MTMR14: variants seen among roughly 807,000 people sequenced by gnomAD.
MTMR14 encodes myotubularin related protein 14.
Under a neutral mutation model 86.3 loss-of-function variants are expected in MTMR14, and 48 were observed. The ratio of observed to expected loss-of-function variants is 0.56; its 90% CI spans 0.44 to 0.71. The LOEUF is 0.71. Ranked by LOEUF, MTMR14 falls within the 30% of genes least tolerant of loss-of-function variation. MTMR14 has a pLI of 0.00. For synonymous variants in MTMR14, 366 were observed against 326.1 expected (o/e 1.12, Z -1.32); for missense variants, 780 against 834.6 (o/e 0.93, Z 0.81).
intron 15 of MTMR14, 28 bp downstream of exon 15, chr3:9,688,782 C>T (rs1367844363): frequency 1.9e-6 from 3 of 1,613,592 alleles, no homozygotes; most frequent in Admixed American, 3.3e-5. Flanking sequence ...ACAGACTTCC[C>T]TTCCTCCATA....
chr3:9,697,691 C>A lies in MTMR14; in HGVS notation c.1614-20C>A, dbSNP rs769017461. On this transcript the variant is annotated intron_variant, in intron 17 of 18. Transcript: ENST00000296003. ...TATGACTGACTGCATCCTCTCCCCT[C>A]TCTCTCCTCTCTGCCCCAGATCAGT... The A allele has an allele frequency of 1.9e-6, 3 of 1,612,132 alleles. No individual in the cohort carries two copies. The highest frequency in any genetic ancestry group is 2.5e-6 in the Non-Finnish European group (3 of 1,178,812).
intron 3 of MTMR14, 26 bp downstream of exon 3, chr3:9,662,401 C>T (rs1454595354): frequency 1.3e-6 from 2 of 1,572,700 alleles, no homozygotes; most frequent in Non-Finnish European, 8.8e-7. Context: ...TAGCTTCATG[C>T]TCCACGACTC....
Position 9,684,931 on chromosome 3 carries a change from A to G in MTMR14, c.1094A>G (p.Tyr365Cys), listed in dbSNP as rs550970092. Residue 365 changes from tyrosine to cysteine, a missense_variant, in exon 12 of 19, where the codon TAC becomes TGC. Physicochemically the swap from Tyr to Cys is radical, Grantham distance 194 (BLOSUM62 -2). Transcript: ENST00000296003. ...HTSLKPTEIL[Y>C]LTVAYDWFLF... ...TCCCTGAAGCCCACTGAGATCCTCT[A>G]CCTCACTGTGGCCTATGACTGGTTC... The G allele has an allele frequency of 7.4e-6, 12 of 1,614,014 alleles. No homozygotes were observed. In the African/African-American group the frequency reaches 1.2e-4, roughly 16 times the overall value.
At chr3:9,652,076 C>T (rs981531544) in intron 1 of MTMR14, among the ~76,000 whole-genome samples, 2 of 152,090 alleles carry the variant, frequency 1.3e-5, no homozygotes, top group African/African-American at 4.8e-5. Context: ...GTGATCTGCC[C>T]GCCTTGGCCT....
intron 9 of MTMR14, among the ~76,000 whole-genome samples, chr3:9,681,291 A>G (rs2075759812): frequency 6.6e-6 from 1 of 152,116 alleles, no homozygotes; most frequent in Non-Finnish European, 1.5e-5. Flanking sequence ...TCTGTGTCCT[A>G]AGACCCCTCC....
chr3:9,688,246 G>C (rs747881222), intron 14 of MTMR14, among the ~76,000 whole-genome samples: 4 of 152,234 alleles, frequency 2.6e-5, no homozygotes, highest in Non-Finnish European at 5.9e-5. Context: ...GCTGACTCTT[G>C]TCCTCCATGG....
In MTMR14 at chr3:9,680,705, C is replaced by T. The variant is rs181635146; in HGVS notation, c.898-2473C>T. Reference sequence around the variant, plus strand: ...CTAAAAAATTAGCCGGGCGTGGTGGCGGGCGCCTGTAGTGCCAGCTACTCG... The same window carrying T: ...CTAAAAAATTAGCCGGGCGTGGTGGTGGGCGCCTGTAGTGCCAGCTACTCG... On this transcript the variant is annotated intron_variant, in intron 9 of 18. Transcript: ENST00000296003. Among the ~76,000 whole-genome samples, 435 of 152,270 alleles carry T rather than the reference C, an allele frequency of 2.9e-3. 13 individuals are homozygous for T. Among genetic ancestry groups the T allele is most frequent in the Admixed American group, 0.026 (394 of 15,292 alleles).
Position 9,671,166 on chromosome 3 carries a change from A to G in MTMR14, c.673A>G (p.Met225Val). The change falls in exon 6 of 19, where the codon ATG (methionine) becomes GTG (valine). Residue 225 changes from methionine to valine, a missense_variant. Physicochemically the swap from Met to Val is conservative, Grantham distance 21. Transcript: ENST00000296003. ...MVENKKVKFG[M>V]NVTSSEKVDK... Reference sequence around the variant, plus strand: ...GGAGAACAAGAAGGTGAAGTTTGGCATGAAGTAAGTACAGGCGCCCACTAC... The same window carrying G: ...GGAGAACAAGAAGGTGAAGTTTGGCGTGAAGTAAGTACAGGCGCCCACTAC... The G allele has an allele frequency of 6.2e-7, 1 of 1,614,240 alleles. No homozygotes were observed.
At chr3:9,655,674 GCTGGTCTCGAACCC>G (rs1334123977) in intron 2 of MTMR14, among the ~76,000 whole-genome samples, 4 of 151,186 alleles carry the variant, frequency 2.6e-5, no homozygotes, top group African/African-American at 9.7e-5. Context: ...CGTTGGTCAG[GCTGGTCTCGAACCC>G]CTGACCTCAT....
chr3:9,684,710 G>T (rs572440000), intron 11 of MTMR14, 40 bp downstream of exon 11: 2 of 1,610,136 alleles, frequency 1.2e-6, no homozygotes, highest in Non-Finnish European at 1.7e-6. Flanking sequence ...TGCTCTTTGG[G>T]TGTGTTAGGA....
At chr3:9,679,476 A>G (rs1340052333) in intron 9 of MTMR14, among the ~76,000 whole-genome samples, 1 of 152,136 alleles carries the variant, frequency 6.6e-6, no homozygotes, top group Non-Finnish European at 1.5e-5. Flanking sequence ...GCAGGTACAA[A>G]CTGGATCTGA....
intron 10 of MTMR14, 66 bp from the exon 11 acceptor site, chr3:9,684,519 T>C: frequency 6.6e-7 from 1 of 1,516,758 alleles, no homozygotes. Flanking sequence ...AAGCTGGTGG[T>C]ACTTCCTGCT....
rs751154467 is a variant in MTMR14, at chr3:9,684,964, G to T, written c.1127G>T (p.Gly376Val). Residue 376 changes from glycine (G) to valine (V), a missense_variant and splice_region_variant, in exon 12 of 19, where the codon GGG becomes GTG. Coordinates refer to ENST00000296003, the MANE Select transcript of MTMR14 (RefSeq NM_001077525.3). ...GTGGCCTATGACTGGTTCCTCTTCG[G>T]GTAAGCCTTTGCAGGAGTTGGGTTT... is the stretch of plus-strand genomic sequence containing the variant. ...LTVAYDWFLF[G>V]HMLVDRLSKG... is the part of the protein sequence containing the mutation. 1.2e-6 allele frequency: 2 copies of T among 1,614,116 alleles called. No homozygotes were observed. The highest frequency in any genetic ancestry group is 3.3e-5 in the Admixed American group (2 of 60,020).
chr3:9,668,107 C>T (rs1485659803), intron 3 of MTMR14, among the ~76,000 whole-genome samples: 5 of 152,136 alleles, frequency 3.3e-5, no homozygotes, highest in Non-Finnish European at 7.3e-5. Flanking sequence ...GCCAGTTGCC[C>T]GTTTCTAGAA....
At chr3:9,690,564 CAT>C (rs1193059062) in intron 17 of MTMR14, among the ~76,000 whole-genome samples, 1 of 152,174 alleles carries the variant, frequency 6.6e-6, no homozygotes, top group African/African-American at 2.4e-5. Flanking sequence ...AGCTGAGCTA[CAT>C]GTGTGTGGCT....
intron 17 of MTMR14, among the ~76,000 whole-genome samples, chr3:9,695,292 C>T (rs1425903439): frequency 7.9e-5 from 12 of 152,310 alleles, no homozygotes; most frequent in Admixed American, 7.8e-4. Context: ...GCCCTTTGCT[C>T]TCAACCCCAG....
At chr3:9,678,213 A>G (rs1414893751) in intron 9 of MTMR14, among the ~76,000 whole-genome samples, 155 bp downstream of exon 9, 2 of 152,200 alleles carry the variant, frequency 1.3e-5, no homozygotes, top group Non-Finnish European at 2.9e-5. Flanking sequence ...GAAAGGAGGA[A>G]TTGTGTGTCC....
At chr3:9,688,598 G>C in intron 14 of MTMR14, 98 bp from the exon 15 acceptor site, 1 of 1,428,000 alleles carries the variant, frequency 7.0e-7, no homozygotes. Flanking sequence ...AGTTGCCAGT[G>C]AATTGAGCTG....
Position 9,649,625 on chromosome 3 carries a change from G to T in MTMR14, c.42G>T (p.Gly14=), listed in dbSNP as rs1212740340. The change falls in exon 1 of 19, where the codon GGG becomes GGT. Residue 14 remains glycine (G), a synonymous_variant. Coordinates refer to ENST00000296003, the MANE Select transcript of MTMR14 (RefSeq NM_001077525.3). The part of the protein sequence containing the change: ...ARAAAAAASA[G]SSASSGNQPP... ...CCGCCGCCGCCGCTGCCTCGGCGGG[G>T]TCCTCGGCCTCTTCAGGCAACCAGC... 13 of 1,558,198 alleles carry T rather than the reference G, an allele frequency of 8.3e-6. No individual in the cohort carries two copies. The highest frequency in any genetic ancestry group is 2.4e-5 in the East Asian group (1 of 41,498).
Sources: gnomAD v4.1 joint callset for allele counts (sites outside exome capture counted in the v4.1 genomes callset) on GRCh38, gnomAD v4.1.1 for gene constraint, MANE v1.5 for transcripts, NCBI Gene and HGNC (gene_info 2026-07-23, HGNC 2026-07-21) for gene names.